Variants in FANCL observed in about 807,000 individuals in gnomAD.
FANCL encodes FA complementation group L, also known as E3 ubiquitin-protein ligase FANCL.
FANCL carries 69 observed loss-of-function variants against 59.4 expected under a neutral mutation model. The observed-to-expected ratio is 1.16, with a 90% CI of 0.96 to 1.42. The LOEUF is 1.42. FANCL is among the 40% of genes most tolerant of loss of function. FANCL has a pLI of 0.00. For synonymous variants in FANCL, 180 were observed against 147.1 expected, an observed-to-expected ratio of 1.22 and a Z score of -1.62; for missense variants, 519 against 447.2, an observed-to-expected ratio of 1.16 and a Z score of -1.45.
rs557038346 is a variant in FANCL at position 58,196,256 on chromosome 2, G to A, written c.540+2338C>T. The stretch of plus-strand genomic sequence containing the variant: ...GCAAAGAAAGGAAAGATGGGAAGGA[G>A]GGACAGAAAAGGGGGTCAGGTCTTA... On this transcript the variant is annotated intron_variant, in intron 7 of 13. Transcript: ENST00000233741. Among the ~76,000 whole-genome samples, 10 of 152,042 alleles carry A rather than the reference G, an allele frequency of 6.6e-5. No homozygotes were observed. In the South Asian group the frequency reaches 2.1e-3, roughly 32 times the overall value.
chr2:58,198,645 T>C lies in FANCL; in HGVS notation c.489A>G (p.Pro163=). ...KLKAKYPAES[P]DYFVDFPVPF... The stretch of plus-strand genomic sequence containing the variant: ...GAACAGGAAAATCCACAAAATAATC[T>C]GGTGATTCTGCAGGATACTATTAAA... Residue 163 remains proline, a synonymous_variant, in exon 7 of 14, where the codon CCA becomes CCG. Coordinates refer to ENST00000233741, the MANE Select transcript of FANCL (RefSeq NM_018062.4). 1.2e-6 allele frequency: 2 copies of C among 1,613,778 alleles called. No homozygotes were observed. The highest frequency in any genetic ancestry group is 8.5e-7 in the Non-Finnish European group (1 of 1,179,680).
At chr2:58,170,693 G>C (rs1320379259) in intron 7 of FANCL, among the ~76,000 whole-genome samples, 4 of 115,194 alleles carry the variant, frequency 3.5e-5, no homozygotes, top group Admixed American at 3.3e-4. Context: ...CAAATGGAAA[G>C]CAAAAAAAAA....
At chr2:58,172,210 A>C (rs1339966963) in intron 7 of FANCL, among the ~76,000 whole-genome samples, 1 of 152,206 alleles carries the variant, frequency 6.6e-6, no homozygotes, top group Non-Finnish European at 1.5e-5. Flanking sequence ...ACCTCTGCAG[A>C]CTTAAATGTC....
intron 5 of FANCL, among the ~76,000 whole-genome samples, chr2:58,221,265 A>C (rs571240597): frequency 1.3e-5 from 2 of 152,262 alleles, no homozygotes; most frequent in Admixed American, 1.3e-4. Context: ...AGGTTATAAT[A>C]CACTTAATAA....
At chr2:58,166,850 T>C (rs1252351160) in intron 7 of FANCL, among the ~76,000 whole-genome samples, 1 of 152,232 alleles carries the variant, frequency 6.6e-6, no homozygotes, top group Non-Finnish European at 1.5e-5. Flanking sequence ...AGTCAAGGTT[T>C]ACACTTGGAT....
chr2:58,186,075 A>G (rs918671140), intron 7 of FANCL, among the ~76,000 whole-genome samples: 1 of 152,192 alleles, frequency 6.6e-6, no homozygotes, highest in Non-Finnish European at 1.5e-5. Context: ...AAGGAAGCCG[A>G]CAGCAACTGT....
intron 7 of FANCL, among the ~76,000 whole-genome samples, chr2:58,196,075 A>G (rs2105080332): frequency 6.6e-6 from 1 of 152,258 alleles, no homozygotes; most frequent in South Asian, 2.1e-4. Context: ...TAAAATAAAT[A>G]TAGTAGACAA....
chr2:58,228,289 G>GA (rs1331439825), intron 3 of FANCL, among the ~76,000 whole-genome samples: 2 of 152,184 alleles, frequency 1.3e-5, no homozygotes, highest in East Asian at 3.9e-4. Flanking sequence ...AATAACTACA[G>GA]AAAAAAATAT....
At chr2:58,217,231 CACACACACACACAT>C (rs1264334002) in intron 5 of FANCL, among the ~76,000 whole-genome samples, 47 of 100,506 alleles carry the variant, frequency 4.7e-4, no homozygotes, top group African/African-American at 1.9e-3. Flanking sequence ...CACACACACA[CACACACACACACAT>C]ATATATGTTT....
At chr2:58,203,559 T>A (rs920537774) in intron 6 of FANCL, among the ~76,000 whole-genome samples, 1 of 152,060 alleles carries the variant, frequency 6.6e-6, no homozygotes, top group African/African-American at 2.4e-5. Flanking sequence ...GAAACAACCA[T>A]GTTTTGTGCC....
rs367879242 is a variant in FANCL, at chr2:58,222,035, G to A, written c.281C>T (p.Ala94Val). The A allele has an allele frequency of 2.5e-6, 4 of 1,611,544 alleles. No individual in the cohort carries two copies. The highest frequency in any genetic ancestry group is 3.4e-6 in the Non-Finnish European group (4 of 1,178,076). ...MMELKMLLEV[A>V]LKNRQELYAL... ...ATACAGCTCTTGTCTATTCTTTAAG[G>A]CAACTTCCTGTTTAAAAGAAGAAAA... Residue 94 changes from alanine to valine, a missense_variant, in exon 5 of 14, where the codon GCC becomes GTC. Transcript: ENST00000233741.
intron 7 of FANCL, among the ~76,000 whole-genome samples, chr2:58,177,997 G>A (rs1299395256): frequency 6.6e-6 from 1 of 151,866 alleles, no homozygotes; most frequent in Admixed American, 6.6e-5. Flanking sequence ...TAGAAGAAGT[G>A]GATAAATTCC....
chr2:58,224,306 G>A (rs1692758748), intron 4 of FANCL, among the ~76,000 whole-genome samples: 1 of 151,694 alleles, frequency 6.6e-6, no homozygotes, highest in South Asian at 2.1e-4. Flanking sequence ...AATAAATGTT[G>A]CAAACTTTTC....
chr2:58,223,795 C>T lies in FANCL; in HGVS notation c.274-1753G>A, dbSNP rs144794665. ...TTGTTAAATATATACTGAACTCCCA[C>T]TATATGCAGTAATTACTAGGAAACT... On this transcript the variant is annotated intron_variant, in intron 4 of 13. Coordinates refer to ENST00000233741, the MANE Select transcript of FANCL (RefSeq NM_018062.4). Among the ~76,000 whole-genome samples, 380 of 151,976 alleles carry T rather than the reference C, an allele frequency of 2.5e-3. 3 individuals are homozygous for T. The highest frequency in any genetic ancestry group is 5.8e-4 in the Non-Finnish European group (39 of 67,796).
Position 58,232,105 on chromosome 2 carries a change from T to A in FANCL, c.104A>T (p.Asp35Val). ...AGGCAACACTATCCTAAGGTGGAAG[T>A]CTCTTCCCTGTGGAAAATATTGAAA... ...YEGFISAQGR[D>V]FHLRIVLPED... The change falls in exon 2 of 14, where the codon GAC (aspartate) becomes GTC (valine). Residue 35 changes from aspartate to valine, a missense_variant. Transcript: ENST00000233741. 1 of 1,612,980 alleles carries A rather than the reference T, an allele frequency of 6.2e-7. No homozygotes were observed. Among genetic ancestry groups the A allele is most frequent in the Non-Finnish European group, 8.5e-7 (1 of 1,179,206 alleles).
chr2:58,222,441 A>G (rs1431458713), intron 4 of FANCL, among the ~76,000 whole-genome samples: 1 of 151,966 alleles, frequency 6.6e-6, no homozygotes, highest in Admixed American at 6.6e-5. Context: ...CTCTAAGTAC[A>G]TTACCTAAAC....
intron 6 of FANCL, among the ~76,000 whole-genome samples, chr2:58,200,782 T>A (rs1236842969): frequency 6.6e-6 from 1 of 151,892 alleles, no homozygotes; most frequent in Non-Finnish European, 1.5e-5. Flanking sequence ...TATATGATCC[T>A]ACATATATAA....
At chr2:58,176,869 G>A (rs539027559) in intron 7 of FANCL, among the ~76,000 whole-genome samples, 48 of 152,098 alleles carry the variant, frequency 3.2e-4, no homozygotes, top group African/African-American at 9.2e-4. Flanking sequence ...GAACATTTTC[G>A]CAACCTACTC....
chr2:58,189,689 CTGAAG>C (rs1688738359), intron 7 of FANCL, among the ~76,000 whole-genome samples: 2 of 152,028 alleles, frequency 1.3e-5, no homozygotes, highest in South Asian at 4.2e-4. Flanking sequence ...TTCATAATAC[CTGAAG>C]TGAAGTAATA....
Sources: allele counts gnomAD v4.1 joint callset (sites outside exome capture counted in the v4.1 genomes callset), GRCh38; gene constraint gnomAD v4.1.1; transcripts MANE v1.5; gene names NCBI Gene and HGNC (gene_info 2026-07-23, HGNC 2026-07-21).